ANKS1B: variants seen among roughly 807,000 people sequenced by gnomAD.
The protein encoded by ANKS1B is ankyrin repeat and sterile alpha motif domain-containing protein 1B.
Under a neutral mutation model 148.3 loss-of-function variants are expected in ANKS1B, and 36 were observed. The ratio of observed to expected loss-of-function variants is 0.24; its 90% CI spans 0.19 to 0.32. The LOEUF (loss-of-function observed/expected upper bound fraction) is 0.32. Ranked by LOEUF, ANKS1B falls within the 10% of genes least tolerant of loss-of-function variation. The pLI is 1.00. For synonymous variants in ANKS1B, 542 were observed against 560.8 expected (o/e 0.97, Z 0.47); for missense variants, 1,157 against 1,542.6 (o/e 0.75, Z 4.19).
intron 16 of ANKS1B, among the ~76,000 whole-genome samples, chr12:99,072,198 G>A (rs2090867124): frequency 6.6e-6 from 1 of 152,008 alleles, no homozygotes; most frequent in African/African-American, 2.4e-5. Context: ...ACTCTCTTAG[G>A]TCAGTAATTG....
intron 15 of ANKS1B, among the ~76,000 whole-genome samples, chr12:99,092,794 A>G (rs2054522005): frequency 6.6e-6 from 1 of 152,220 alleles, no homozygotes; most frequent in Admixed American, 6.5e-5. Flanking sequence ...CGCAGAAAGA[A>G]GTACCTAAAA....
At chr12:99,121,162 A>G (rs1395315763) in intron 15 of ANKS1B, among the ~76,000 whole-genome samples, 1 of 151,784 alleles carries the variant, frequency 6.6e-6, no homozygotes, top group African/African-American at 2.4e-5. Flanking sequence ...TAGTAGGATT[A>G]TAGCTATGCT....
chr12:99,515,817 C>G (rs1449333657), intron 9 of ANKS1B, among the ~76,000 whole-genome samples: 1 of 152,106 alleles, frequency 6.6e-6, no homozygotes, highest in African/African-American at 2.4e-5. Context: ...ACATCCTCAC[C>G]AGCATTTGTT....
chr12:98,988,883 G>A (rs1804812075), intron 17 of ANKS1B, among the ~76,000 whole-genome samples: 1 of 151,904 alleles, frequency 6.6e-6, no homozygotes, highest in African/African-American at 2.4e-5. Context: ...ATACTTCTTG[G>A]CCATTTTGTA....
intron 12 of ANKS1B, among the ~76,000 whole-genome samples, chr12:99,348,654 G>A (rs1274161636): frequency 6.6e-6 from 1 of 151,828 alleles, no homozygotes; most frequent in Admixed American, 6.6e-5. Flanking sequence ...TTAAATTGCT[G>A]AAAGAGAAGA....
At chr12:99,335,040 C>T (rs1413427016) in intron 12 of ANKS1B, among the ~76,000 whole-genome samples, 4 of 151,942 alleles carry the variant, frequency 2.6e-5, no homozygotes, top group Non-Finnish European at 5.9e-5. Context: ...TGAGTCCTCG[C>T]GATGGTCTTG....
At chr12:99,899,649 T>C (rs765130336) in intron 1 of ANKS1B, among the ~76,000 whole-genome samples, 19 of 152,180 alleles carry the variant, frequency 1.2e-4, no homozygotes, top group Non-Finnish European at 2.4e-4. Context: ...CTCACTGTTA[T>C]ATTCTTGCAG....
chr12:98,981,116 G>A (rs138018274), intron 17 of ANKS1B, among the ~76,000 whole-genome samples: 3,222 of 151,736 alleles, frequency 0.021, 118 homozygotes, highest in African/African-American at 0.074. Flanking sequence ...GACCAGCCTA[G>A]GCAACATAGT....
At chr12:99,814,570 C>T (rs1273968518) in intron 2 of ANKS1B, among the ~76,000 whole-genome samples, 3 of 151,664 alleles carry the variant, frequency 2.0e-5, no homozygotes, top group East Asian at 1.9e-4. Context: ...TAAATAAATA[C>T]ATAACTTCAG....
At chr12:99,154,807 C>T in intron 14 of ANKS1B, 1 of 1,497,410 alleles carries the variant, frequency 6.7e-7, no homozygotes, top group Non-Finnish European at 8.8e-7. Flanking sequence ...AGTACTCCTA[C>T]ACTCATCAGT....
intron 9 of ANKS1B, among the ~76,000 whole-genome samples, chr12:99,564,740 T>G (rs1042562611): frequency 2.6e-5 from 4 of 152,282 alleles, no homozygotes; most frequent in African/African-American, 9.6e-5. Flanking sequence ...ACAATAATAG[T>G]CTGTACTTAC....
rs2099578759 is a variant in ANKS1B, at chr12:98,857,642, TATGAATAAATGAATGA to T, written c.2779-25522_2779-25507del. Among the ~76,000 whole-genome samples, 3 of 151,976 alleles carry T rather than the reference TATGAATAAATGAATGA, an allele frequency of 2.0e-5. No individual in the cohort carries two copies. In the South Asian group the frequency reaches 6.3e-4, roughly 32 times the overall value. ...GAGGCAATGTCACTGGTTGAATAAA[TATGAATAAATGAATGA>T]ATGAATAAATGAATGAAGGTGGCTA... On this transcript the variant is annotated intron_variant, in intron 17 of 26. Transcript: ENST00000683438.
chr12:98,850,458 C>G (rs1465809697), intron 17 of ANKS1B, among the ~76,000 whole-genome samples: 2 of 61,968 alleles, frequency 3.2e-5, no homozygotes, highest in Non-Finnish European at 3.4e-5. Context: ...AGAAGCATTG[C>G]ATTTTTTTTT....
intron 12 of ANKS1B, among the ~76,000 whole-genome samples, chr12:99,310,790 T>C (rs2083035082): frequency 6.6e-6 from 1 of 152,154 alleles, no homozygotes; most frequent in Non-Finnish European, 1.5e-5. Context: ...TATCTGTCTG[T>C]CTACATCCTA....
intron 8 of ANKS1B, among the ~76,000 whole-genome samples, chr12:99,663,999 A>T (rs1349638884): frequency 6.6e-6 from 1 of 152,074 alleles, no homozygotes; most frequent in Non-Finnish European, 1.5e-5. Flanking sequence ...ATCTCTCAAA[A>T]CTTTTGTTCA....
intron 8 of ANKS1B, among the ~76,000 whole-genome samples, chr12:99,687,805 GTC>G (rs745690844): frequency 1.3e-5 from 2 of 152,082 alleles, no homozygotes; most frequent in East Asian, 1.9e-4. Context: ...TAAATCTATT[GTC>G]TCTGTTTCTA....
In ANKS1B at chr12:99,716,318, C is replaced by T. The variant is rs187421198; in HGVS notation, c.1128+56604G>A. 2.8e-3 allele frequency among the ~76,000 whole-genome samples: 423 copies of T among 152,078 alleles called. 6 individuals are homozygous for T. Among genetic ancestry groups the T allele is most frequent in the African/African-American group, 9.2e-3 (381 of 41,460 alleles). On this transcript the variant is annotated intron_variant, in intron 8 of 26. Coordinates refer to ENST00000683438, the MANE Select transcript of ANKS1B (RefSeq NM_001352186.2). ...ACCTCTTATCTCTGCACCCCAACCC[C>T]TTATTTTGGCGCCCCGACACCTTTC... is the stretch of plus-strand genomic sequence containing the variant.
chr12:99,107,668 C>T (rs563804026), intron 15 of ANKS1B, among the ~76,000 whole-genome samples: 6 of 152,282 alleles, frequency 3.9e-5, no homozygotes, highest in Non-Finnish European at 7.4e-5. Context: ...AGAAATCGCC[C>T]GGCCTGGGAT....
At chr12:99,314,174 C>T (rs2083631090) in intron 12 of ANKS1B, among the ~76,000 whole-genome samples, 1 of 152,024 alleles carries the variant, frequency 6.6e-6, no homozygotes, top group Admixed American at 6.6e-5. Flanking sequence ...ACAATTGCTA[C>T]AAAGAAAACA....
Sources: allele counts gnomAD v4.1 joint callset (sites outside exome capture counted in the v4.1 genomes callset), GRCh38; gene constraint gnomAD v4.1.1; transcripts MANE v1.5; gene names NCBI Gene and HGNC (gene_info 2026-07-23, HGNC 2026-07-21).